The following PTPRD variants were observed in gnomAD, a reference collection of about 807,000 sequenced individuals.
The protein encoded by PTPRD is protein tyrosine phosphatase receptor type D.
In PTPRD, 34 loss-of-function variants were observed where a neutral mutation model predicts 214.5. The ratio of observed to expected loss-of-function variants is 0.16; its 90% confidence interval spans 0.12 to 0.21. The LOEUF (loss-of-function observed/expected upper bound fraction) is 0.21. PTPRD is among the 10% of genes least tolerant of loss of function. The pLI, the probability that PTPRD is intolerant of heterozygous loss-of-function variation, is 1.00. For missense variants in PTPRD, 2,545 were observed against 2,398.7 expected (o/e 1.06, Z -1.27); for synonymous variants, 1,128 against 845.7 (o/e 1.33, Z -5.79).
chr9:10,574,383 G>A (rs1052991759), intron 2 of PTPRD, among the ~76,000 whole-genome samples: 1 of 152,126 alleles, frequency 6.6e-6, no homozygotes, highest in African/African-American at 2.4e-5. Context: ...CTCAGGAAAT[G>A]AAGCAGCATA....
In PTPRD at chr9:10,612,483, A is replaced by G. The variant is rs2081300019; in HGVS notation, c.-685T>C. On this transcript the variant is annotated 5_prime_UTR_variant, in exon 2 of 46. Coordinates refer to ENST00000381196, the MANE Select transcript of PTPRD (RefSeq NM_002839.4). ...CAGTCAAATAAAGAATTGTCTTTCT[A>G]TTCCACACAGGCCCAGAATAAACTG... 1 of 152,218 alleles carries G rather than the reference A, an allele frequency of 6.6e-6. No individual in the cohort carries two copies. Among genetic ancestry groups the G allele is most frequent in the Non-Finnish European group, 1.5e-5 (1 of 68,078 alleles). The allele number at this position is 152,218 out of a possible 1,614,324, so 9.4% of individuals were successfully genotyped here.
At chr9:9,678,293 G>T (rs1401476857) in intron 7 of PTPRD, among the ~76,000 whole-genome samples, 1 of 152,030 alleles carries the variant, frequency 6.6e-6, no homozygotes, top group Non-Finnish European at 1.5e-5. Context: ...AAAGCTGGAG[G>T]CATCATGCTA....
rs572153930 is a variant in PTPRD, at chr9:9,362,641, C to T, written c.-203+34808G>A. Among the ~76,000 whole-genome samples the T allele has an allele frequency of 2.2e-4, 34 of 151,306 alleles. 1 individual carries two copies. The highest frequency in any genetic ancestry group is 2.2e-3 in the Admixed American group (33 of 15,120). On this transcript the variant is annotated intron_variant, in intron 9 of 45. Transcript: ENST00000381196. ...CTTGAAATTCACTTACCCCTAAGAA[C>T]AATTTTTAGTTGACTCTCAAGGGGC...
intron 9 of PTPRD, among the ~76,000 whole-genome samples, chr9:9,221,539 C>G (rs1041963592): frequency 6.6e-6 from 1 of 152,006 alleles, no homozygotes; most frequent in South Asian, 2.1e-4. Context: ...GGAGAGGGCT[C>G]TCTTTCTGGC....
chr9:10,051,214 C>G (rs1024430018), intron 3 of PTPRD, among the ~76,000 whole-genome samples: 1 of 151,994 alleles, frequency 6.6e-6, no homozygotes, highest in African/African-American at 2.4e-5. Context: ...AAAAGAATAT[C>G]CATAATTTTG....
intron 39 of PTPRD, among the ~76,000 whole-genome samples, chr9:8,371,909 T>C (rs146449262): frequency 5.9e-5 from 9 of 152,070 alleles, no homozygotes; most frequent in African/African-American, 2.2e-4. Context: ...GAGTCAACAA[T>C]GAGGTGCGAA....
chr9:9,892,563 A>G (rs1398928586), intron 5 of PTPRD, among the ~76,000 whole-genome samples: 1 of 152,098 alleles, frequency 6.6e-6, no homozygotes, highest in African/African-American at 2.4e-5. Context: ...TAAGATGGAA[A>G]AACATTGGAA....
chr9:8,844,520 T>C (rs542441149), intron 11 of PTPRD, among the ~76,000 whole-genome samples: 1 of 152,290 alleles, frequency 6.6e-6, no homozygotes, highest in South Asian at 2.1e-4. Context: ...AAAATATCAC[T>C]CAAAATGAGG....
chr9:8,870,202 G>A (rs1296292563), intron 11 of PTPRD, among the ~76,000 whole-genome samples: 1 of 148,382 alleles, frequency 6.7e-6, no homozygotes, highest in East Asian at 2.0e-4. Context: ...AATTATATTA[G>A]AACAGCATAA....
chr9:9,993,446 T>C (rs1453500337), intron 4 of PTPRD, among the ~76,000 whole-genome samples: 5 of 152,206 alleles, frequency 3.3e-5, no homozygotes, highest in Non-Finnish European at 5.9e-5. Flanking sequence ...GGTGAGATGA[T>C]CTTATAATAA....
At chr9:8,658,671 GAAAAAAA>G (rs35547116) in intron 12 of PTPRD, among the ~76,000 whole-genome samples, 4 of 122,146 alleles carry the variant, frequency 3.3e-5, no homozygotes, top group African/African-American at 8.7e-5. Context: ...AGCACATTTG[GAAAAAAA>G]AAAAAAAAAA....
At chr9:8,962,907 G>A (rs966511571) in intron 11 of PTPRD, 6 of 151,938 alleles carry the variant, frequency 3.9e-5, no homozygotes, top group Admixed American at 6.6e-5. Context: ...TCCTTTAACC[G>A]GCAATGTGGC....
chr9:10,054,289 A>G (rs2097582835), intron 3 of PTPRD, among the ~76,000 whole-genome samples: 1 of 152,180 alleles, frequency 6.6e-6, no homozygotes, highest in Non-Finnish European at 1.5e-5. Flanking sequence ...TTGAAGAGGC[A>G]ATAACAGATA....
At chr9:9,950,254 G>C (rs541291496) in intron 4 of PTPRD, among the ~76,000 whole-genome samples, 1 of 152,182 alleles carries the variant, frequency 6.6e-6, no homozygotes, top group Non-Finnish European at 1.5e-5. Context: ...GTGACATCCA[G>C]ATGGGGATGC....
chr9:10,097,565 T>C (rs1363638022), intron 3 of PTPRD, among the ~76,000 whole-genome samples: 1 of 151,772 alleles, frequency 6.6e-6, no homozygotes, highest in Admixed American at 6.6e-5. Context: ...ATAAGAACGC[T>C]TGTGATTTTT....
chr9:9,579,324 A>G (rs1208225715), intron 7 of PTPRD, among the ~76,000 whole-genome samples: 2 of 152,322 alleles, frequency 1.3e-5, no homozygotes, highest in African/African-American at 4.8e-5. Flanking sequence ...CCTATCAGGT[A>G]TTATGAGCAT....
rs182698994 is a variant in PTPRD, at chr9:9,083,332, G to C, written c.-142-64597C>G. 3.7e-3 allele frequency among the ~76,000 whole-genome samples: 565 copies of C among 152,200 alleles called. 1 individual carries two copies. The highest frequency in any genetic ancestry group is 6.3e-3 in the Non-Finnish European group (427 of 67,992). ...TCCCTATTTAATAATCCTGGTGTTGGGAAAACTGTCTAGCTATATGCAGAA... is the reference window on the plus strand; with the variant it reads ...TCCCTATTTAATAATCCTGGTGTTGCGAAAACTGTCTAGCTATATGCAGAA... On this transcript the variant is annotated intron_variant, in intron 10 of 45. Coordinates refer to ENST00000381196, the MANE Select transcript of PTPRD (RefSeq NM_002839.4).
intron 11 of PTPRD, among the ~76,000 whole-genome samples, chr9:8,908,985 T>A (rs2098727855): frequency 6.7e-6 from 1 of 150,284 alleles, no homozygotes; most frequent in Non-Finnish European, 1.5e-5. Context: ...TTACATATGA[T>A]ATAAAATATA....
At chr9:10,049,731 T>G (rs993186152) in intron 3 of PTPRD, among the ~76,000 whole-genome samples, 2 of 152,172 alleles carry the variant, frequency 1.3e-5, no homozygotes, top group Admixed American at 1.3e-4. Flanking sequence ...TCAAATATTT[T>G]TAAATAAAAC....
Sources: allele counts gnomAD v4.1 joint callset (sites outside exome capture counted in the v4.1 genomes callset), GRCh38; gene constraint gnomAD v4.1.1; transcripts MANE v1.5; gene names NCBI Gene and HGNC (gene_info 2026-07-23, HGNC 2026-07-21).